SPIRE1: variants seen among roughly 807,000 people sequenced by gnomAD.
SPIRE1 encodes the protein protein spire homolog 1.
SPIRE1 carries 40 observed loss-of-function variants against 94.1 expected under a neutral mutation model. That is an observed-to-expected ratio of 0.43 (90% CI 0.33 to 0.55). The LOEUF (loss-of-function observed/expected upper bound fraction) is 0.55, where lower values mean the gene tolerates loss of function less well. Ranked by LOEUF, SPIRE1 falls within the 20% of genes least tolerant of loss-of-function variation. The pLI is 0.06. For missense variants in SPIRE1, 838 were observed against 975.2 expected, an observed-to-expected ratio of 0.86 and a Z score of 1.87; for synonymous variants, 376 against 371.7, an observed-to-expected ratio of 1.01 and a Z score of -0.13.
At chr18:12,560,608 T>C (rs1216408660) in intron 2 of SPIRE1, among the ~76,000 whole-genome samples, 1 of 152,162 alleles carries the variant, frequency 6.6e-6, no homozygotes, top group Non-Finnish European at 1.5e-5. Context: ...CCCAGCACTT[T>C]GGCATGCCAA....
At chr18:12,630,980 AC>A (rs2144795689) in intron 2 of SPIRE1, among the ~76,000 whole-genome samples, 1 of 152,296 alleles carries the variant, frequency 6.6e-6, no homozygotes, top group East Asian at 1.9e-4. Context: ...ACCCCGTATA[AC>A]CTCAGTCTCA....
chr18:12,554,785 A>G (rs376821903), intron 2 of SPIRE1, among the ~76,000 whole-genome samples: 1 of 152,240 alleles, frequency 6.6e-6, no homozygotes, highest in East Asian at 1.9e-4. Context: ...TAAAAAGATC[A>G]TGCATTAAAA....
intron 2 of SPIRE1, among the ~76,000 whole-genome samples, chr18:12,569,449 T>C (rs2035905064): frequency 6.6e-6 from 1 of 152,080 alleles, no homozygotes; most frequent in African/African-American, 2.4e-5. Context: ...ATGTCTAATA[T>C]TTTGCCAGAA....
intron 2 of SPIRE1, among the ~76,000 whole-genome samples, chr18:12,575,824 G>A (rs2036079528): frequency 6.6e-6 from 1 of 152,154 alleles, no homozygotes; most frequent in South Asian, 2.1e-4. Flanking sequence ...TTGTTACAAC[G>A]TCAGCTCTTT....
At chr18:12,487,332 A>C (rs2033073213) in intron 8 of SPIRE1, among the ~76,000 whole-genome samples, 1 of 151,750 alleles carries the variant, frequency 6.6e-6, no homozygotes, top group Admixed American at 6.6e-5. Context: ...TCAAGCATCC[A>C]CTCGGGGTCT....
intron 16 of SPIRE1, chr18:12,451,088 A>G (rs2031216445): frequency 5.0e-6 from 2 of 403,370 alleles, no homozygotes; most frequent in South Asian, 5.5e-5. Flanking sequence ...AAAAAAAGAA[A>G]TAATACTAAA....
At chr18:12,469,686 A>G (rs1011192070) in intron 10 of SPIRE1, among the ~76,000 whole-genome samples, 1 of 144,100 alleles carries the variant, frequency 6.9e-6, no homozygotes, top group Non-Finnish European at 1.5e-5. Flanking sequence ...TATATAACAT[A>G]TATAATTTGT....
chr18:12,535,399 T>A (rs755824268), intron 4 of SPIRE1, 77 bp downstream of exon 4: 88 of 1,462,784 alleles, frequency 6.0e-5, no homozygotes, highest in Admixed American at 2.2e-4. Flanking sequence ...TATTGAAAAT[T>A]TAGGTTTCTC....
In SPIRE1 at chr18:12,466,199, T is replaced by C. The variant is rs1270490261; in HGVS notation, c.1405-1241A>G. On this transcript the variant is annotated intron_variant, in intron 10 of 16. Transcript: ENST00000409402. ...TGTTTTAGACTAAACAAAAATAAAG[T>C]ATAATATTTATTCCTGAAATATTTA... is the stretch of plus-strand genomic sequence containing the variant. Among the ~76,000 whole-genome samples, 3 of 152,302 alleles carry C rather than the reference T, an allele frequency of 2.0e-5. No homozygotes were observed. In the East Asian group the frequency reaches 5.8e-4, roughly 29 times the overall value.
chr18:12,479,841 A>G lies in SPIRE1; in HGVS notation c.1262T>C (p.Leu421Pro), dbSNP rs1327628646. The G allele has an allele frequency of 1.2e-6, 2 of 1,613,958 alleles. No homozygotes were observed. Among genetic ancestry groups the G allele is most frequent in the Non-Finnish European group, 1.7e-6 (2 of 1,179,986 alleles). The change falls in exon 10 of 17, where the codon CTT (leucine) becomes CCT (proline). Residue 421 changes from leucine (L) to proline (P), a missense_variant. Physicochemically the swap from Leu to Pro is moderately conservative, Grantham distance 98. Around this residue, in one of 2 missense-constraint regions of SPIRE1, gnomAD observed 645 missense variants for 804.7 expected, o/e 0.80. Coordinates refer to ENST00000409402, the MANE Select transcript of SPIRE1 (RefSeq NM_001128626.2). ...DVTTPESTKN[L>P]VESSMVNGGL... Reference sequence around the variant, plus strand: ...TCCATTCACCATAGATGACTCCACAAGATTCTTTGTAGATTCAGGGGTAGT... The same window carrying G: ...TCCATTCACCATAGATGACTCCACAGGATTCTTTGTAGATTCAGGGGTAGT...
chr18:12,456,595 T>C (rs2031518787), intron 12 of SPIRE1, among the ~76,000 whole-genome samples: 1 of 152,182 alleles, frequency 6.6e-6, no homozygotes, highest in African/African-American at 2.4e-5. Context: ...TTGTTATTGT[T>C]TGTGCTAGCA....
chr18:12,508,212 CA>C (rs781039727), intron 5 of SPIRE1, among the ~76,000 whole-genome samples: 8 of 151,900 alleles, frequency 5.3e-5, no homozygotes, highest in Non-Finnish European at 1.0e-4. Context: ...GCTGTAAAAT[CA>C]AGTGATATAT....
chr18:12,586,965 T>C (rs2034364423), intron 2 of SPIRE1, among the ~76,000 whole-genome samples: 1 of 152,240 alleles, frequency 6.6e-6, no homozygotes, highest in African/African-American at 2.4e-5. Context: ...TAAGTTGACA[T>C]TTACTGAGCA....
At chr18:12,490,384 T>A (rs2033189560) in intron 8 of SPIRE1, among the ~76,000 whole-genome samples, 1 of 152,158 alleles carries the variant, frequency 6.6e-6, no homozygotes, top group African/African-American at 2.4e-5. Flanking sequence ...CACTGGTGAA[T>A]TCTACCAAAT....
At chr18:12,451,601 T>C (rs990526050) in intron 16 of SPIRE1, among the ~76,000 whole-genome samples, 1 of 152,188 alleles carries the variant, frequency 6.6e-6, no homozygotes, top group Non-Finnish European at 1.5e-5. Flanking sequence ...ACAAGGTTCA[T>C]GCTGGGCTCA....
chr18:12,515,858 G>A (rs1397259179), intron 4 of SPIRE1, among the ~76,000 whole-genome samples: 4 of 152,108 alleles, frequency 2.6e-5, no homozygotes, highest in Non-Finnish European at 5.9e-5. Context: ...ATCGGCTGAG[G>A]CCTCTGCTGC....
intron 5 of SPIRE1, among the ~76,000 whole-genome samples, chr18:12,511,054 T>C (rs775751407): frequency 2.6e-5 from 4 of 152,220 alleles, no homozygotes; most frequent in African/African-American, 9.6e-5. Context: ...TGAGTTTTAT[T>C]GGGAGAGAGA....
In SPIRE1 at chr18:12,657,523, G is replaced by A; in HGVS notation, c.337+7C>T. 1 of 1,230,828 alleles carries A rather than the reference G, an allele frequency of 8.1e-7. No homozygotes were observed. The highest frequency in any genetic ancestry group is 1.0e-6 in the Non-Finnish European group (1 of 986,684). The allele number at this position is 1,230,828 out of a possible 1,614,324, so 76.2% of individuals were successfully genotyped here. On this transcript the variant is annotated splice_region_variant and intron_variant, in intron 1 of 16. Transcript: ENST00000409402. ...AACTACGAGGGAAAGGGGCCCGGCG[G>A]CCTCACCCGCAACTGGGGGCGGCTC...
intron 1 of SPIRE1, chr18:12,636,447 T>A (rs1337777389): frequency 6.6e-6 from 1 of 150,550 alleles, no homozygotes; most frequent in African/African-American, 2.5e-5. Context: ...TAATAGCTTT[T>A]GTATGCTCCC....
Sources: allele counts gnomAD v4.1 joint callset (sites outside exome capture counted in the v4.1 genomes callset), GRCh38; gene constraint gnomAD v4.1.1; regional missense constraint gnomAD v4.1.1; transcripts MANE v1.5; gene names NCBI Gene and HGNC (gene_info 2026-07-23, HGNC 2026-07-21).